The following HBS1L variants were observed in gnomAD, a reference collection of about 807,000 sequenced individuals.
HBS1L encodes HBS1 like translational GTPase, also known as HBS1-like protein.
HBS1L carries 55 observed loss-of-function variants against 88.9 expected under a neutral mutation model. The observed-to-expected ratio is 0.62, with a 90% confidence interval of 0.50 to 0.77. HBS1L has a LOEUF of 0.77. Among genes scored for constraint, HBS1L ranks in the 30% least tolerant of loss-of-function variants. The pLI is 0.00. For missense variants in HBS1L, 741 were observed against 829.3 expected, an observed-to-expected ratio of 0.89 and a Z score of 1.31; for synonymous variants, 267 against 288.5, an observed-to-expected ratio of 0.93 and a Z score of 0.76.
intron 15 of HBS1L, among the ~76,000 whole-genome samples, chr6:134,978,379 T>C (rs1000119348): frequency 6.6e-6 from 1 of 151,956 alleles, no homozygotes; most frequent in African/African-American, 2.4e-5. Flanking sequence ...AAGTAAACTT[T>C]AGAACACAGT....
At chr6:135,011,844 T>G (rs1391436781) in intron 4 of HBS1L, among the ~76,000 whole-genome samples, 1 of 147,556 alleles carries the variant, frequency 6.8e-6, no homozygotes, top group Non-Finnish European at 1.5e-5. Flanking sequence ...AGGCGGAGGT[T>G]GAAGTGAGCC....
chr6:135,013,465 AGAAAAGCAGGTAACT>A lies in HBS1L; in HGVS notation c.431-10638_431-10624del, dbSNP rs1775829388. On this transcript the variant is annotated intron_variant, in intron 4 of 17. Transcript: ENST00000367837. ...CAAGAATGTGGTGAGACATAAGATT[AGAAAAGCAGGTAACT>A]CATTTAGAACCATGTCTAATATTTC... 2.6e-5 allele frequency among the ~76,000 whole-genome samples: 4 copies of A among 152,382 alleles called. No individual in the cohort carries two copies. The South Asian group carries it at 8.3e-4, about 32-fold the overall frequency.
intron 4 of HBS1L, chr6:135,037,965 T>C (rs1456192701): frequency 6.5e-7 from 1 of 1,542,072 alleles, no homozygotes; most frequent in Admixed American, 2.0e-5. Flanking sequence ...AATGATTTGC[T>C]GACTGAGGAT....
intron 4 of HBS1L, among the ~76,000 whole-genome samples, chr6:135,003,514 C>T (rs1002900652): frequency 2.0e-5 from 3 of 148,000 alleles, no homozygotes; most frequent in African/African-American, 7.5e-5. Flanking sequence ...TTGTAGTGAG[C>T]TATGATAACG....
intron 2 of HBS1L, among the ~76,000 whole-genome samples, chr6:135,046,003 A>G (rs1478696522): frequency 6.6e-6 from 1 of 152,230 alleles, no homozygotes; most frequent in Non-Finnish European, 1.5e-5. Flanking sequence ...AAAAACTCCA[A>G]TAAGTTGACA....
At chr6:135,054,139 C>A (rs974342890) in intron 1 of HBS1L, among the ~76,000 whole-genome samples, 1 of 152,196 alleles carries the variant, frequency 6.6e-6, no homozygotes, top group Non-Finnish European at 1.5e-5. Flanking sequence ...AATAAATTAG[C>A]GCAAACTGAT....
At chr6:135,005,387 T>C (rs978930177) in intron 4 of HBS1L, among the ~76,000 whole-genome samples, 5 of 152,206 alleles carry the variant, frequency 3.3e-5, no homozygotes, top group Middle Eastern at 3.2e-3. Context: ...AGCCACACAC[T>C]TCAGGGCAGA....
intron 4 of HBS1L, among the ~76,000 whole-genome samples, chr6:135,032,127 T>C (rs1776404032): frequency 6.6e-6 from 1 of 152,028 alleles, no homozygotes; most frequent in Admixed American, 6.5e-5. Context: ...GCTAAATACC[T>C]TAAAATAAAA....
chr6:135,036,174 T>C lies in HBS1L; in HGVS notation c.430+3399A>G, dbSNP rs182442166. ...TAAGAATAATCTTCACACTAAACTA[T>C]AATAATCCCAAGTGCTGGCATTTTC... On this transcript the variant is annotated intron_variant, in intron 4 of 17. Transcript: ENST00000367837. 177 of 854,336 alleles carry C rather than the reference T, an allele frequency of 2.1e-4. No homozygotes were observed. The African/African-American group carries it at 2.7e-3, about 13-fold the overall frequency. 52.9% of individuals were successfully genotyped at this position (854,336 alleles called of 1,614,324 possible). A position where few individuals can be genotyped will look rare whatever the true frequency, so the allele number is the denominator to read the frequency against.
Position 134,964,939 on chromosome 6 carries a change from C to T in HBS1L, c.*340G>A, listed in dbSNP as rs1774267603. 1 of 288,594 alleles carries T rather than the reference C, an allele frequency of 3.5e-6. No individual in the cohort carries two copies. Among genetic ancestry groups the T allele is most frequent in the East Asian group, 9.7e-5 (1 of 10,322 alleles). The allele number at this position is 288,594 out of a possible 1,614,324, so 17.9% of individuals were successfully genotyped here. A position where few individuals can be genotyped will look rare whatever the true frequency, so the allele number is the denominator to read the frequency against. ...GAATCAAAAGAGAAAACTGCAAATA[C>T]ATTGTGCTTTGGCCAGAAGTAGAGT... On this transcript the variant is annotated 3_prime_UTR_variant, in exon 18 of 18. Coordinates refer to ENST00000367837, the MANE Select transcript of HBS1L (RefSeq NM_006620.4).
At chr6:135,037,078 T>A (rs1433298958) in intron 4 of HBS1L, 1 of 1,551,726 alleles carries the variant, frequency 6.4e-7, no homozygotes. Context: ...ATCAATTGTT[T>A]CTGCAATCAA....
chr6:134,967,184 A>T (rs887735147), intron 16 of HBS1L, among the ~76,000 whole-genome samples: 1 of 152,228 alleles, frequency 6.6e-6, no homozygotes, highest in African/African-American at 2.4e-5. Context: ...GCTCAGACTT[A>T]GTGAGAGAGG....
At chr6:135,022,786 C>A (rs919814941) in intron 4 of HBS1L, among the ~76,000 whole-genome samples, 10 of 152,006 alleles carry the variant, frequency 6.6e-5, no homozygotes. Flanking sequence ...ATTTTAAGTG[C>A]ATTATTGAAA....
At chr6:134,988,200 C>CA (rs955648496) in intron 8 of HBS1L, among the ~76,000 whole-genome samples, 1 of 151,842 alleles carries the variant, frequency 6.6e-6, no homozygotes, top group African/African-American at 2.4e-5. Context: ...CCCATCTCTG[C>CA]AAAAAATACA....
At chr6:134,991,061 A>C (rs1169303106) in intron 8 of HBS1L, among the ~76,000 whole-genome samples, 4 of 114,000 alleles carry the variant, frequency 3.5e-5, no homozygotes, top group Non-Finnish European at 7.8e-5. Flanking sequence ...AGACTCACAG[A>C]CATACACACA....
At chr6:135,015,937 T>G (rs1468071745) in intron 4 of HBS1L, among the ~76,000 whole-genome samples, 4 of 143,030 alleles carry the variant, frequency 2.8e-5, no homozygotes, top group Non-Finnish European at 6.0e-5. Flanking sequence ...CAGGCTGGAG[T>G]GCAGTGGCAT....
intron 7 of HBS1L, 61 bp downstream of exon 7, chr6:134,996,716 A>T: frequency 8.3e-7 from 1 of 1,207,910 alleles, no homozygotes; most frequent in Non-Finnish European, 1.1e-6. Flanking sequence ...AACACATATT[A>T]CACACTTATT....
Position 134,965,300 on chromosome 6 carries a change from C to CA in HBS1L, c.2044-11dup, listed in dbSNP as rs35078158. On this transcript the variant is annotated splice_polypyrimidine_tract_variant and intron_variant, in intron 17 of 17. Coordinates refer to ENST00000367837, the MANE Select transcript of HBS1L (RefSeq NM_006620.4). The stretch of plus-strand genomic sequence containing the variant: ...CCCATCATTCTTTTATCTGTTAAAA[C>CA]AAAAAAAAAAAAGACATTTGCTGTA... 8.5e-3 allele frequency: 11,109 copies of CA among 1,314,224 alleles called. 2 individuals carry two copies. The highest frequency in any genetic ancestry group is 9.3e-3 in the Non-Finnish European group (8,838 of 950,040). 81.4% of individuals were successfully genotyped at this position (1,314,224 alleles called of 1,614,324 possible).
rs754300255 is a variant in HBS1L at position 134,969,218 on chromosome 6, T to G, written c.1898+20A>C. On this transcript the variant is annotated intron_variant, in intron 16 of 17. Coordinates refer to ENST00000367837, the MANE Select transcript of HBS1L (RefSeq NM_006620.4). ...TTGGCTTAAATTGCTTGTTTATCATTTCTGTATTAAAACACTCACTTAGGC... is the reference window on the plus strand; with the variant it reads ...TTGGCTTAAATTGCTTGTTTATCATGTCTGTATTAAAACACTCACTTAGGC... 6.6e-7 allele frequency: 1 copy of G among 1,504,610 alleles called. No individual in the cohort carries two copies. Among genetic ancestry groups the G allele is most frequent in the Non-Finnish European group, 9.2e-7 (1 of 1,081,350 alleles). The allele number at this position is 1,504,610 out of a possible 1,614,324, so 93.2% of individuals were successfully genotyped here.
Sources: allele counts gnomAD v4.1 joint callset (sites outside exome capture counted in the v4.1 genomes callset), GRCh38; gene constraint gnomAD v4.1.1; transcripts MANE v1.5; gene names NCBI Gene and HGNC (gene_info 2026-07-23, HGNC 2026-07-21).